The following CRHR1 variants were observed in gnomAD, a reference collection of about 807,000 sequenced individuals.
The protein encoded by CRHR1 is corticotropin releasing hormone receptor 1, also known as corticotropin-releasing hormone receptor 1.
In CRHR1, 28 loss-of-function variants were observed where a neutral mutation model predicts 56.0. The observed-to-expected ratio is 0.50, with a 90% CI of 0.37 to 0.69. The LOEUF is 0.69. Ranked by LOEUF, CRHR1 falls within the 30% of genes least tolerant of loss-of-function variation. The pLI, the probability that CRHR1 is intolerant of heterozygous loss-of-function variation, is 0.00. For synonymous variants in CRHR1, 195 were observed against 216.5 expected, an observed-to-expected ratio of 0.90 and a Z score of 0.87; for missense variants, 376 against 548.0, an observed-to-expected ratio of 0.69 and a Z score of 3.13.
At chr17:45,792,504 C>T (rs561712372) in intron 1 of CRHR1, among the ~76,000 whole-genome samples, 7 of 152,296 alleles carry the variant, frequency 4.6e-5, no homozygotes, top group African/African-American at 1.2e-4. Flanking sequence ...CACTGTTCTC[C>T]TTCCTCCCCT....
intron 1 of CRHR1, among the ~76,000 whole-genome samples, chr17:45,793,819 C>A (rs1157128847): frequency 6.6e-6 from 1 of 152,188 alleles, no homozygotes; most frequent in African/African-American, 2.4e-5. Flanking sequence ...GATGGGTGAC[C>A]TTAGGCAAAT....
intron 8 of CRHR1, 115 bp from the exon 9 acceptor site, chr17:45,833,022 GA>G: frequency 2.3e-6 from 2 of 871,320 alleles, no homozygotes; most frequent in East Asian, 4.8e-5. Flanking sequence ...TTGGAATTGG[GA>G]CATCTACCTC....
chr17:45,793,076 A>G (rs1399117546), intron 1 of CRHR1, among the ~76,000 whole-genome samples: 1 of 152,194 alleles, frequency 6.6e-6, no homozygotes, highest in Non-Finnish European at 1.5e-5. Context: ...TGGAAGTGCT[A>G]TGGCGACAGA....
intron 6 of CRHR1, 34 bp downstream of exon 6, chr17:45,830,248 G>C (rs376942497): frequency 1.2e-6 from 2 of 1,611,858 alleles, no homozygotes; most frequent in African/African-American, 2.7e-5. Context: ...GAGCAGGTCA[G>C]GCCAAACCCA....
At chr17:45,811,395 A>G (rs188593049) in intron 2 of CRHR1, among the ~76,000 whole-genome samples, 6 of 152,354 alleles carry the variant, frequency 3.9e-5, no homozygotes, top group African/African-American at 1.4e-4. Flanking sequence ...CAGTCTGACC[A>G]GAATGCGGGC....
chr17:45,816,403 G>A, intron 2 of CRHR1, 60 bp from the exon 3 acceptor site: 2 of 1,605,354 alleles, frequency 1.2e-6, no homozygotes, highest in Non-Finnish European at 8.5e-7. Context: ...AATGTCCTCT[G>A]CCTGCCTGGG....
intron 9 of CRHR1, 72 bp downstream of exon 9, chr17:45,833,282 A>G: frequency 6.4e-7 from 1 of 1,557,762 alleles, no homozygotes; most frequent in Non-Finnish European, 8.9e-7. Flanking sequence ...GTGGACAGAA[A>G]GGACTCCTCT....
chr17:45,833,464 T>C lies in CRHR1; in HGVS notation c.856T>C (p.Phe286Leu). Residue 286 changes from phenylalanine (F) to leucine (L), a missense_variant, in exon 10 of 13, where the codon TTC (phenylalanine) becomes CTC (leucine). Around this residue, in one of 2 missense-constraint regions of CRHR1, gnomAD observed 369 missense variants for 519.5 expected, o/e 0.71. Transcript: ENST00000314537. ...GCTCAAATTGCAGATCAATTTCATCTTCCTTTTCAACATCGTCCGCATCCT... is the reference window on the plus strand; with the variant it reads ...GCTCAAATTGCAGATCAATTTCATCCTCCTTTTCAACATCGTCCGCATCCT... The part of the protein sequence containing the change: ...MILVLLINFI[F>L]LFNIVRILMT... 1 of 1,614,024 alleles carries C rather than the reference T, an allele frequency of 6.2e-7. No individual in the cohort carries two copies. The highest frequency in any genetic ancestry group is 8.5e-7 in the Non-Finnish European group (1 of 1,180,008).
intron 1 of CRHR1, among the ~76,000 whole-genome samples, chr17:45,788,125 G>A (rs1006031108): frequency 6.6e-6 from 1 of 152,338 alleles, no homozygotes; most frequent in Admixed American, 6.5e-5. Context: ...GGAGTTTGGG[G>A]GTCAAGGTGC....
Position 45,829,520 on chromosome 17 carries a change from G to A in CRHR1, c.434+199G>A, listed in dbSNP as rs1055272951. 1.4e-5 allele frequency: 22 copies of A among 1,525,112 alleles called. 1 individual carries two copies. The highest frequency in any genetic ancestry group is 1.0e-4 in the Admixed American group (5 of 48,536). 94.5% of individuals were successfully genotyped at this position (1,525,112 alleles called of 1,614,324 possible). On this transcript the variant is annotated intron_variant, in intron 5 of 12. Transcript: ENST00000314537. ...CCTCTCCCCAGTAGCTGCTGGAATGGTGGGGAGGGACAAAACTTGTCTTAT... is the reference window on the plus strand; with the variant it reads ...CCTCTCCCCAGTAGCTGCTGGAATGATGGGGAGGGACAAAACTTGTCTTAT...
At chr17:45,821,313 C>T (rs538498801) in intron 3 of CRHR1, 42 bp from the exon 4 acceptor site, 65 of 1,576,842 alleles carry the variant, frequency 4.1e-5, no homozygotes, top group African/African-American at 6.7e-5. Context: ...AGGCAGGGGC[C>T]GGGGCTGCCC....
chr17:45,821,345 C>T lies in CRHR1; in HGVS notation c.242-10C>T, dbSNP rs2062036951. On this transcript the variant is annotated splice_polypyrimidine_tract_variant and intron_variant, in intron 3 of 12. Coordinates refer to ENST00000314537, the MANE Select transcript of CRHR1 (RefSeq NM_004382.5). The stretch of plus-strand genomic sequence containing the variant: ...GCCCCGCCATCACTGCCTCTCTCTT[C>T]CTTTTCCAGACAATGGCTACCGGGA... The T allele has an allele frequency of 6.2e-7, 1 of 1,613,188 alleles. No individual in the cohort carries two copies. Among genetic ancestry groups the T allele is most frequent in the South Asian group, 1.1e-5 (1 of 91,090 alleles).
intron 4 of CRHR1, among the ~76,000 whole-genome samples, chr17:45,824,925 C>T (rs746288185): frequency 6.6e-6 from 1 of 152,006 alleles, no homozygotes; most frequent in Admixed American, 6.5e-5. Context: ...CCCGCCCCAC[C>T]CCCCAGCCCA....
At chr17:45,816,355 G>T in intron 2 of CRHR1, 108 bp from the exon 3 acceptor site, 2 of 1,456,804 alleles carry the variant, frequency 1.4e-6, no homozygotes, top group East Asian at 2.4e-5. Context: ...CCTAGCTGGT[G>T]TGAGTGGGAA....
chr17:45,833,300 G>C, intron 9 of CRHR1, 90 bp downstream of exon 9: 1 of 1,500,558 alleles, frequency 6.7e-7, no homozygotes, highest in African/African-American at 1.4e-5. Context: ...TCTACCTAGA[G>C]GTGGGGGCCA....
At chr17:45,800,805 A>C (rs553658239) in intron 1 of CRHR1, 1 of 152,194 alleles carries the variant, frequency 6.6e-6, no homozygotes, top group Non-Finnish European at 1.5e-5. Flanking sequence ...GAAAGGAGAG[A>C]GAAAACAGGC....
At chr17:45,797,415 C>G (rs912437003) in intron 1 of CRHR1, among the ~76,000 whole-genome samples, 2 of 151,496 alleles carry the variant, frequency 1.3e-5, no homozygotes, top group South Asian at 4.2e-4. Context: ...CTCAGCCTCC[C>G]GAGGAGCTGG....
chr17:45,798,475 A>T (rs12937074), intron 1 of CRHR1, among the ~76,000 whole-genome samples: 2 of 150,688 alleles, frequency 1.3e-5, no homozygotes, highest in African/African-American at 4.9e-5. Flanking sequence ...GCAGTGAGCC[A>T]AGATCGCGCC....
At chr17:45,832,285 C>G (rs1233636888) in intron 8 of CRHR1, among the ~76,000 whole-genome samples, 1 of 152,118 alleles carries the variant, frequency 6.6e-6, no homozygotes, top group Non-Finnish European at 1.5e-5. Context: ...GAAAGTGAGT[C>G]TGAGCGGCTC....
Sources: allele counts gnomAD v4.1 joint callset (sites outside exome capture counted in the v4.1 genomes callset), GRCh38; gene constraint gnomAD v4.1.1; regional missense constraint gnomAD v4.1.1; transcripts MANE v1.5; gene names NCBI Gene and HGNC (gene_info 2026-07-23, HGNC 2026-07-21).